ADAM22: variants seen among roughly 807,000 people sequenced by gnomAD.
The protein encoded by ADAM22 is disintegrin and metalloproteinase domain-containing protein 22.
In ADAM22, 65 loss-of-function variants were observed where a neutral mutation model predicts 144.6. The observed-to-expected ratio is 0.45, with a 90% CI of 0.37 to 0.55. ADAM22 has a LOEUF of 0.55. Ranked by LOEUF, ADAM22 falls within the 20% of genes least tolerant of loss-of-function variation. The pLI is 0.00. For missense variants in ADAM22, 974 were observed against 1,184.9 expected (o/e 0.82, Z 2.61); for synonymous variants, 391 against 412.6 (o/e 0.95, Z 0.63).
At chr7:88,026,187 G>T (rs1297874208) in intron 3 of ADAM22, among the ~76,000 whole-genome samples, 1 of 152,164 alleles carries the variant, frequency 6.6e-6, no homozygotes, top group Non-Finnish European at 1.5e-5. Context: ...ATAAAGAAAA[G>T]AGGGTTCATT....
chr7:88,075,477 T>A (rs1482796162), intron 3 of ADAM22, 149 bp from the exon 4 acceptor site: 2 of 635,832 alleles, frequency 3.1e-6, no homozygotes, highest in African/African-American at 2.5e-5. Flanking sequence ...TGTGTGTGTG[T>A]GAGTGTGAGA....
chr7:87,935,053 A>G lies in ADAM22; in HGVS notation c.113A>G (p.Lys38Arg). Residue 38 changes from lysine to arginine, a missense_variant, in exon 2 of 32, where the codon AAG becomes AGG. Lys to Arg is a conservative substitution (Grantham distance 26, BLOSUM62 2). Coordinates refer to ENST00000413139, the MANE Select transcript of ADAM22 (RefSeq NM_001324418.2). The stretch of plus-strand genomic sequence containing the variant: ...GACGCCTCATTGATGGAGCTAGAGA[A>G]GAGGAAGGAAAACCGCTTCGTGGAG... Reference protein sequence around the residue: ...AGDASLMELEKRKENRFVERQ... With the variant: ...AGDASLMELERRKENRFVERQ... The G allele has an allele frequency of 1.2e-6, 2 of 1,614,158 alleles. No individual in the cohort carries two copies. Among genetic ancestry groups the G allele is most frequent in the South Asian group, 2.2e-5 (2 of 91,080 alleles).
Position 88,050,517 on chromosome 7 carries a change from AT to A in ADAM22, c.324-25108del, listed in dbSNP as rs1245269221. 2.0e-5 allele frequency among the ~76,000 whole-genome samples: 3 copies of A among 151,874 alleles called. No individual in the cohort carries two copies. The East Asian group carries it at 5.8e-4, about 29-fold the overall frequency. ...AAAAAAAAAAGAAAGAAATTAAAAA[AT>A]ATTATTGAATGGTTTGTAGTCACTG... On this transcript the variant is annotated intron_variant, in intron 3 of 31. Transcript: ENST00000413139.
chr7:88,176,261 C>T (rs534105285), intron 26 of ADAM22, among the ~76,000 whole-genome samples: 5 of 152,248 alleles, frequency 3.3e-5, no homozygotes, highest in African/African-American at 7.2e-5. Flanking sequence ...AGATCTTTAA[C>T]GAAATTCATA....
intron 6 of ADAM22, among the ~76,000 whole-genome samples, chr7:88,115,765 A>G (rs1163153775): frequency 6.6e-6 from 1 of 152,174 alleles, no homozygotes; most frequent in Non-Finnish European, 1.5e-5. Context: ...TCTTTTCTAG[A>G]TTCCAGATTT....
intron 17 of ADAM22, among the ~76,000 whole-genome samples, chr7:88,148,072 T>C (rs1224626302): frequency 6.6e-6 from 1 of 152,014 alleles, no homozygotes; most frequent in Non-Finnish European, 1.5e-5. Context: ...CAGATTGGAG[T>C]TTATAGTGGG....
intron 3 of ADAM22, among the ~76,000 whole-genome samples, chr7:88,016,626 A>T (rs973459592): frequency 1.3e-5 from 2 of 152,188 alleles, no homozygotes; most frequent in African/African-American, 4.8e-5. Flanking sequence ...GATGTTTAAG[A>T]TTACCTTGCA....
chr7:88,144,971 A>G (rs1835910797), intron 15 of ADAM22, among the ~76,000 whole-genome samples, 154 bp from the exon 16 acceptor site: 1 of 152,124 alleles, frequency 6.6e-6, no homozygotes, highest in African/African-American at 2.4e-5. Context: ...TAAAGTTCCA[A>G]GTTCTGAGCT....
chr7:88,191,897 A>G (rs1364668122), intron 30 of ADAM22, among the ~76,000 whole-genome samples: 1 of 152,226 alleles, frequency 6.6e-6, no homozygotes, highest in Non-Finnish European at 1.5e-5. Flanking sequence ...GGTGTGTGGG[A>G]AAAATTATTT....
chr7:88,167,732 C>G (rs188392226), intron 24 of ADAM22, among the ~76,000 whole-genome samples: 88 of 152,232 alleles, frequency 5.8e-4, no homozygotes, highest in African/African-American at 1.7e-3. Context: ...AAACCGAGAG[C>G]AGTAAGGACC....
intron 2 of ADAM22, among the ~76,000 whole-genome samples, chr7:87,974,898 A>T (rs1304087423): frequency 6.6e-6 from 1 of 152,000 alleles, no homozygotes; most frequent in Non-Finnish European, 1.5e-5. Flanking sequence ...TAGCACTCTG[A>T]TCTCTACTTC....
At chr7:88,016,785 T>TGGGAA (rs1433030522) in intron 3 of ADAM22, among the ~76,000 whole-genome samples, 1 of 151,970 alleles carries the variant, frequency 6.6e-6, no homozygotes, top group Non-Finnish European at 1.5e-5. Context: ...AGAAAGGTAG[T>TGGGAA]GGGAAGGGAA....
chr7:88,150,977 C>T lies in ADAM22; in HGVS notation c.1567-4C>T, dbSNP rs201112125. ...TTCATTCATAGTTGTTCTCTTTTTC[C>T]TAGTGTGCCCCTAATATTCATAAAA... On this transcript the variant is annotated splice_polypyrimidine_tract_variant and splice_region_variant and intron_variant, in intron 18 of 31. Transcript: ENST00000413139. The T allele has an allele frequency of 4.4e-4, 713 of 1,612,308 alleles. 1 individual carries two copies. Among genetic ancestry groups the T allele is most frequent in the Non-Finnish European group, 5.6e-4 (664 of 1,178,898 alleles).
chr7:87,951,227 T>A (rs1439042630), intron 2 of ADAM22, among the ~76,000 whole-genome samples: 3 of 143,686 alleles, frequency 2.1e-5, no homozygotes, highest in East Asian at 2.0e-4. Flanking sequence ...GCCTATGTCC[T>A]GAATGGTAAT....
chr7:88,121,063 G>A (rs1373280091), intron 7 of ADAM22, among the ~76,000 whole-genome samples: 1 of 152,070 alleles, frequency 6.6e-6, no homozygotes, highest in Non-Finnish European at 1.5e-5. Flanking sequence ...TTGTTAAAAA[G>A]TATTAAAAGT....
intron 3 of ADAM22, among the ~76,000 whole-genome samples, chr7:88,055,542 T>A (rs1181810585): frequency 6.6e-6 from 1 of 152,144 alleles, no homozygotes; most frequent in Admixed American, 6.5e-5. Context: ...CAGATTCTCA[T>A]AATCTCTATT....
At chr7:88,061,395 C>T (rs1490030053) in intron 3 of ADAM22, among the ~76,000 whole-genome samples, 2 of 152,028 alleles carry the variant, frequency 1.3e-5, no homozygotes, top group East Asian at 1.9e-4. Flanking sequence ...TCAGAGGAAT[C>T]GCTATCTATG....
chr7:88,188,869 T>A (rs1019856402), intron 30 of ADAM22, among the ~76,000 whole-genome samples: 3 of 152,200 alleles, frequency 2.0e-5, no homozygotes, highest in Non-Finnish European at 4.4e-5. Context: ...CACCTTATTG[T>A]TTTTTGTAGA....
At chr7:88,048,762 G>T (rs1295467488) in intron 3 of ADAM22, among the ~76,000 whole-genome samples, 3 of 152,008 alleles carry the variant, frequency 2.0e-5, no homozygotes, top group Non-Finnish European at 4.4e-5. Context: ...ATGGTTTATA[G>T]ATATTATAAT....
Sources: allele counts gnomAD v4.1 joint callset (sites outside exome capture counted in the v4.1 genomes callset), GRCh38; gene constraint gnomAD v4.1.1; transcripts MANE v1.5; gene names NCBI Gene and HGNC (gene_info 2026-07-23, HGNC 2026-07-21).